FBXL2: variants seen among roughly 807,000 people sequenced by gnomAD.
FBXL2 encodes the protein F-box and leucine rich repeat protein 2.
FBXL2 carries 38 observed loss-of-function variants against 69.2 expected under a neutral mutation model. The observed-to-expected ratio is 0.55, with a 90% CI of 0.42 to 0.72. The LOEUF is 0.72. Among genes scored for constraint, FBXL2 ranks in the 30% least tolerant of loss-of-function variants. FBXL2 has a pLI of 0.00. For synonymous variants in FBXL2, 192 were observed against 201.3 expected, an observed-to-expected ratio of 0.95 and a Z score of 0.39; for missense variants, 354 against 520.3, an observed-to-expected ratio of 0.68 and a Z score of 3.11.
intron 8 of FBXL2, 62 bp downstream of exon 8, chr3:33,373,766 AGCT>A (rs1225514903): frequency 2.5e-6 from 4 of 1,613,648 alleles, no homozygotes; most frequent in Non-Finnish European, 3.4e-6. Context: ...TCATCCAGAA[AGCT>A]GCTTTTGCAT....
At chr3:33,408,449 T>C (rs920130876), downstream of FBXL2, among the ~76,000 whole-genome samples, 1 of 152,146 alleles carries the variant, frequency 6.6e-6, no homozygotes. Context: ...AGTGTCTTTT[T>C]TTCCCTCCAA....
intron 12 of FBXL2, among the ~76,000 whole-genome samples, chr3:33,401,732 ATCAG>A (rs1410569582): frequency 6.6e-6 from 1 of 152,234 alleles, no homozygotes; most frequent in Non-Finnish European, 1.5e-5. Context: ...GCACTAATGT[ATCAG>A]AACACTTAGA....
intron 2 of FBXL2, among the ~76,000 whole-genome samples, chr3:33,354,037 T>C (rs1211239544): frequency 6.6e-6 from 1 of 152,184 alleles, no homozygotes; most frequent in Non-Finnish European, 1.5e-5. Flanking sequence ...GAACTAACTA[T>C]ATAATACAGA....
intron 12 of FBXL2, among the ~76,000 whole-genome samples, chr3:33,395,378 G>A (rs1161837499): frequency 6.6e-6 from 1 of 151,588 alleles, no homozygotes; most frequent in African/African-American, 2.4e-5. Flanking sequence ...CTACTTCAGA[G>A]TATGGAAAGA....
At chr3:33,406,495 T>G (rs1052925797), downstream of FBXL2, among the ~76,000 whole-genome samples, 2 of 152,220 alleles carry the variant, frequency 1.3e-5, no homozygotes, top group African/African-American at 4.8e-5. Context: ...CCATTTAATA[T>G]TAAAAGTATC....
chr3:33,402,145 AACT>A (rs1049498134), intron 12 of FBXL2, among the ~76,000 whole-genome samples: 88 of 152,290 alleles, frequency 5.8e-4, no homozygotes, highest in African/African-American at 1.9e-3. Flanking sequence ...TTCTGATGCT[AACT>A]ACTCTGCATT....
downstream of FBXL2, among the ~76,000 whole-genome samples, chr3:33,407,257 CTT>C (rs758480628): frequency 2.0e-4 from 31 of 152,294 alleles, no homozygotes; most frequent in Admixed American, 9.8e-4. Context: ...ATACTTTAGA[CTT>C]AAGAATCATT....
intron 2 of FBXL2, among the ~76,000 whole-genome samples, chr3:33,304,961 T>G (rs185444386): frequency 2.0e-5 from 3 of 152,134 alleles, no homozygotes; most frequent in Admixed American, 1.3e-4. Context: ...AAACACGTAT[T>G]TTTGTTTTTG....
At chr3:33,409,194 A>G in the FBXL2 span, 1 of 1,585,690 alleles carries the variant, frequency 6.3e-7, no homozygotes, top group Non-Finnish European at 8.6e-7. Context: ...CTAATATGCA[A>G]CCTTTGCTTC....
intron 7 of FBXL2, 39 bp from the exon 8 acceptor site, chr3:33,373,539 G>C (rs1183466954): frequency 2.5e-6 from 4 of 1,613,780 alleles, no homozygotes; most frequent in Non-Finnish European, 3.4e-6. Flanking sequence ...CTCTCTACAG[G>C]AGAGACTGCA....
intron 2 of FBXL2, among the ~76,000 whole-genome samples, chr3:33,343,200 A>C (rs962524486): frequency 1.3e-5 from 2 of 150,854 alleles, no homozygotes; most frequent in African/African-American, 5.0e-5. Flanking sequence ...TATGACACTT[A>C]AATCTATGTA....
At chr3:33,358,258 G>T (rs2041354228) in intron 2 of FBXL2, among the ~76,000 whole-genome samples, 1 of 152,188 alleles carries the variant, frequency 6.6e-6, no homozygotes, top group African/African-American at 2.4e-5. Context: ...ACTCTGCAGT[G>T]CTGAGGCGCA....
At chr3:33,382,009 A>G (rs2043098507) in intron 13 of FBXL2, among the ~76,000 whole-genome samples, 1 of 152,162 alleles carries the variant, frequency 6.6e-6, no homozygotes, top group Non-Finnish European at 1.5e-5. Context: ...TTACATAGCC[A>G]GTAGTTCTAG....
At chr3:33,357,818 C>T (rs1276463689) in intron 2 of FBXL2, among the ~76,000 whole-genome samples, 9 of 152,088 alleles carry the variant, frequency 5.9e-5, no homozygotes, top group Non-Finnish European at 1.0e-4. Flanking sequence ...CGTGAGCCAC[C>T]GCGCCCAGCC....
At chr3:33,357,478 A>G (rs1317030798) in intron 2 of FBXL2, among the ~76,000 whole-genome samples, 3 of 151,588 alleles carry the variant, frequency 2.0e-5, no homozygotes, top group Non-Finnish European at 4.4e-5. Context: ...TGTATGTTTA[A>G]GTACACATAT....
intron 5 of FBXL2, among the ~76,000 whole-genome samples, chr3:33,366,909 G>A (rs1252662659): frequency 6.6e-6 from 1 of 152,032 alleles, no homozygotes; most frequent in Non-Finnish European, 1.5e-5. Flanking sequence ...GCTTGGCAGT[G>A]AGCAAGCAAC....
At chr3:33,418,015 T>C in the FBXL2 span, among the ~76,000 whole-genome samples, 2 of 152,192 alleles carry the variant, frequency 1.3e-5, no homozygotes, top group African/African-American at 4.8e-5. Context: ...AACACCTGTA[T>C]GGGAAGAGAC....
In FBXL2 at chr3:33,293,423, G is replaced by A. The variant is rs1471981899; in HGVS notation, c.4-4241G>A. On this transcript the variant is annotated intron_variant, in intron 1 of 14. Transcript: ENST00000484457. ...TAGAAAAGTTAAATGACATGCCCAA[G>A]GTTTACAAAGGTGTAAGTGGAAGAT... Among the ~76,000 whole-genome samples, 11 of 152,258 alleles carry A rather than the reference G, an allele frequency of 7.2e-5. No individual in the cohort carries two copies. The East Asian group carries it at 1.9e-3, about 27-fold the overall frequency.
intron 1 of FBXL2, among the ~76,000 whole-genome samples, chr3:33,280,829 G>A (rs2033914643): frequency 1.3e-5 from 2 of 150,634 alleles, no homozygotes; most frequent in Admixed American, 1.3e-4. Context: ...TTTTGTTATT[G>A]TTTAACACTT....
Sources: gnomAD v4.1 joint callset for allele counts (sites outside exome capture counted in the v4.1 genomes callset) on GRCh38, gnomAD v4.1.1 for gene constraint, MANE v1.5 for transcripts, NCBI Gene and HGNC (gene_info 2026-07-23, HGNC 2026-07-21) for gene names.